TTLL10: variants seen among roughly 807,000 people sequenced by gnomAD.
TTLL10 encodes inactive polyglycylase TTLL10.
Under a neutral mutation model 69.0 loss-of-function variants are expected in TTLL10, and 61 were observed. That is an observed-to-expected ratio of 0.88 (90% CI 0.72 to 1.09). The LOEUF is 1.09. TTLL10 is among the 50% of genes least tolerant of loss of function. The pLI, the probability that TTLL10 is intolerant of heterozygous loss-of-function variation, is 0.00. For missense variants in TTLL10, 962 were observed against 945.9 expected, an observed-to-expected ratio of 1.02 and a Z score of -0.22; for synonymous variants, 408 against 393.3, an observed-to-expected ratio of 1.04 and a Z score of -0.44.
At position 1,197,597 on chromosome 1, in the gene TTLL10, G is replaced by C; in HGVS notation, c.1772G>C (p.Arg591Pro). The change falls in exon 16 of 16, where the codon CGC becomes CCC. Residue 591 changes from arginine (R) to proline (P), a missense_variant. Coordinates refer to ENST00000379289, the MANE Select transcript of TTLL10 (RefSeq NM_001130045.2). ...SLRRWPPLPT[R>P]QAKSSGPPMP... is the part of the protein sequence containing the mutation. ...CGCCGCTGGCCGCCCCTGCCCACCC[G>C]CCAGGCCAAGTCCTCCGGGCCACCC... 6.6e-7 allele frequency: 1 copy of C among 1,513,086 alleles called. No homozygotes were observed. Among genetic ancestry groups the C allele is most frequent in the South Asian group, 1.2e-5 (1 of 81,358 alleles). 93.7% of individuals were successfully genotyped at this position (1,513,086 alleles called of 1,614,324 possible).
Position 1,197,101 on chromosome 1 carries a change from G to C in TTLL10, c.1527G>C (p.Leu509=), listed in dbSNP as rs1239893892. 2 of 1,551,030 alleles carry C rather than the reference G, an allele frequency of 1.3e-6. No homozygotes were observed. Among genetic ancestry groups the C allele is most frequent in the African/African-American group, 2.7e-5 (2 of 72,998 alleles). The change falls in exon 15 of 16, where the codon CTG becomes CTC. Residue 509 remains leucine (L), a synonymous_variant. Transcript: ENST00000379289. ...ACTGGCGTCTGGGGCAGGTATGGCT[G>C]CTGGAGATGAATTCTAACCCAGCCC... ...FLIDDNFKVW[L]LEMNSNPALH...
intron 10 of TTLL10, 103 bp from the exon 11 acceptor site, chr1:1,182,773 G>A (rs1449683268): frequency 1.0e-5 from 15 of 1,435,006 alleles, no homozygotes; most frequent in Middle Eastern, 2.0e-4. Flanking sequence ...TGGAATGGCC[G>A]GGCCGAGGGT....
intron 8 of TTLL10, 21 bp downstream of exon 8, chr1:1,180,881 G>GCCCCTT (rs2100867603): frequency 1.3e-6 from 2 of 1,533,428 alleles, no homozygotes; most frequent in East Asian, 5.0e-5. Flanking sequence ...CCCTGCCCCT[G>GCCCCTT]CCCCCGTCCC....
chr1:1,184,140 TAGA>T (rs1647174402), intron 12 of TTLL10, 49 bp downstream of exon 12: 1 of 1,611,186 alleles, frequency 6.2e-7, no homozygotes. Context: ...GGGATGAGAT[TAGA>T]AGGAGGTTCT....
At chr1:1,190,467 G>A (rs986530704) in intron 13 of TTLL10, among the ~76,000 whole-genome samples, 32 of 146,868 alleles carry the variant, frequency 2.2e-4, no homozygotes, top group South Asian at 4.3e-4. Context: ...TTGCTCTGTC[G>A]CCCAAGCTGG....
At chr1:1,183,471 G>A (rs1006817333) in intron 11 of TTLL10, among the ~76,000 whole-genome samples, 1 of 151,972 alleles carries the variant, frequency 6.6e-6, no homozygotes. Context: ...TAGACCTGTC[G>A]ACCTCACCCC....
intron 3 of TTLL10, chr1:1,176,384 A>G (rs1014424307): frequency 8.8e-6 from 4 of 454,762 alleles, no homozygotes; most frequent in African/African-American, 2.0e-5. Context: ...CTGACGCTGT[A>G]CAGCTGGAGA....
chr1:1,175,496 C>G (rs1646840631), intron 3 of TTLL10: 2 of 367,682 alleles, frequency 5.4e-6, no homozygotes, highest in Non-Finnish European at 1.1e-5. Context: ...GGCAGAGCTG[C>G]CCGGCCTCCC....
intron 13 of TTLL10, among the ~76,000 whole-genome samples, chr1:1,187,566 G>C (rs1647436355): frequency 6.6e-6 from 1 of 152,086 alleles, no homozygotes; most frequent in African/African-American, 2.4e-5. Context: ...GGAGGTGGAG[G>C]TAGCTGTGAG....
At chr1:1,194,365 C>A (rs1648048108) in intron 13 of TTLL10, among the ~76,000 whole-genome samples, 1 of 152,026 alleles carries the variant, frequency 6.6e-6, no homozygotes, top group Non-Finnish European at 1.5e-5. Context: ...ATACAGTTGT[C>A]TTTTAGGACA....
intron 5 of TTLL10, 132 bp from the exon 6 acceptor site, chr1:1,179,902 T>G (rs1646991947): frequency 7.0e-7 from 1 of 1,437,132 alleles, no homozygotes. Context: ...GGGCTGAACT[T>G]GAGCCCCAGA....
chr1:1,183,569 C>T (rs1438139978), intron 11 of TTLL10, among the ~76,000 whole-genome samples: 6 of 152,182 alleles, frequency 3.9e-5, no homozygotes, highest in Non-Finnish European at 2.9e-5. Flanking sequence ...CTCCACCTGG[C>T]GAGCTCTCCG....
chr1:1,174,999 C>A (rs1646831195), intron 3 of TTLL10: 1 of 152,412 alleles, frequency 6.6e-6, no homozygotes, highest in Non-Finnish European at 1.5e-5. Context: ...GCCTGTAATC[C>A]CAGCTACTCA....
chr1:1,178,169 T>C (rs944419866), intron 3 of TTLL10, among the ~76,000 whole-genome samples: 11 of 152,104 alleles, frequency 7.2e-5, no homozygotes, highest in African/African-American at 2.7e-4. Context: ...GCCTCAGGCC[T>C]ACCCCAGCCT....
intron 13 of TTLL10, among the ~76,000 whole-genome samples, chr1:1,187,559 G>A (rs1647435573): frequency 6.6e-6 from 1 of 152,150 alleles, no homozygotes; most frequent in Admixed American, 6.5e-5. Context: ...GAACCCGGGA[G>A]GTGGAGGTAG....
At position 1,182,867 on chromosome 1, in the gene TTLL10, T is replaced by C. The variant is rs1237542004; in HGVS notation, c.917-9T>C. 2.6e-6 allele frequency: 4 copies of C among 1,561,832 alleles called. No individual in the cohort carries two copies. In the South Asian group the frequency reaches 4.7e-5, roughly 18 times the overall value. ...GCGAGGCCAGGGGCTCAGGCCGCGC[T>C]CTCTGCAGAAACCCAGATATGGATC... On this transcript the variant is annotated splice_polypyrimidine_tract_variant and intron_variant, in intron 10 of 15. Transcript: ENST00000379289.
rs750373348 is a variant in TTLL10, at chr1:1,179,247, G to A, written c.32G>A (p.Arg11His). 1.0e-5 allele frequency: 16 copies of A among 1,549,840 alleles called. No individual in the cohort carries two copies. The highest frequency in any genetic ancestry group is 4.9e-5 in the East Asian group (2 of 40,904). MDHSCTRFIH[R>H]RGPPTRTRAG... The stretch of plus-strand genomic sequence containing the variant: ...CACAGCTGCACCCGGTTCATCCACC[G>A]CCGGGGACCACCCACTCGGACCCGA... The change falls in exon 4 of 16, where the codon CGC becomes CAC. Residue 11 changes from arginine (R) to histidine (H), a missense_variant. By Grantham distance (29) the Arg-to-His change is conservative (BLOSUM62 0). Coordinates refer to ENST00000379289, the MANE Select transcript of TTLL10 (RefSeq NM_001130045.2).
At chr1:1,175,575 G>A (rs1157914523) in intron 3 of TTLL10, 1 of 397,806 alleles carries the variant, frequency 2.5e-6, no homozygotes, top group Non-Finnish European at 5.1e-6. Flanking sequence ...TTGTGTTCCC[G>A]CCTATCCTGA....
chr1:1,182,142 G>A (rs113744836), intron 9 of TTLL10, among the ~76,000 whole-genome samples: 1,870 of 152,354 alleles, frequency 0.012, 36 homozygotes, highest in African/African-American at 0.042. Context: ...GGGCCCGGGT[G>A]GGGGTCAGCG....
Sources: gnomAD v4.1 joint callset for allele counts (sites outside exome capture counted in the v4.1 genomes callset) on GRCh38, gnomAD v4.1.1 for gene constraint, MANE v1.5 for transcripts, NCBI Gene and HGNC (gene_info 2026-07-23, HGNC 2026-07-21) for gene names.